Variants in ARMH4 observed in about 807,000 individuals in gnomAD.
ARMH4 encodes the protein armadillo-like helical domain-containing protein 4.
A neutral mutation model predicts 61.9 loss-of-function variants in ARMH4; 49 were observed. The observed-to-expected ratio is 0.79, with a 90% CI of 0.63 to 1.00. ARMH4 has a LOEUF of 1.00. Among genes scored for constraint, ARMH4 ranks in the 50% least tolerant of loss-of-function variants. The pLI is 0.00. For missense variants in ARMH4, 934 were observed against 930.0 expected, an observed-to-expected ratio of 1.00 and a Z score of -0.06; for synonymous variants, 368 against 341.5, an observed-to-expected ratio of 1.08 and a Z score of -0.85.
At chr14:58,101,930 G>T (rs186147384) in intron 4 of ARMH4, among the ~76,000 whole-genome samples, 63 of 152,282 alleles carry the variant, frequency 4.1e-4, no homozygotes, top group African/African-American at 1.4e-3. Context: ...TTGAAGGAGG[G>T]ATGGGTGAAT....
chr14:58,069,282 A>G (rs1040270142), intron 5 of ARMH4, among the ~76,000 whole-genome samples: 11 of 152,218 alleles, frequency 7.2e-5, no homozygotes, highest in African/African-American at 2.7e-4. Context: ...GTAATCAACA[A>G]TCACTTATTG....
At chr14:58,015,069 A>G (rs1440410400) in intron 5 of ARMH4, among the ~76,000 whole-genome samples, 1 of 152,210 alleles carries the variant, frequency 6.6e-6, no homozygotes, top group Non-Finnish European at 1.5e-5. Context: ...TGTGTACTGT[A>G]GGAAGCTCAT....
rs1594729764 is a variant in ARMH4, at chr14:58,059,435, A to T, written c.2089+37289T>A. The stretch of plus-strand genomic sequence containing the variant: ...AAGATTTCAGAAGAGCCCGGCAAGG[A>T]TGCTAAATTTCATCAGAGTGAGCTC... On this transcript the variant is annotated intron_variant, in intron 5 of 7. Transcript: ENST00000267485. 2.0e-5 allele frequency among the ~76,000 whole-genome samples: 3 copies of T among 152,200 alleles called. No homozygotes were observed. The East Asian group carries it at 5.8e-4, about 29-fold the overall frequency.
intron 4 of ARMH4, among the ~76,000 whole-genome samples, chr14:58,110,733 T>A (rs942296191): frequency 1.3e-5 from 2 of 152,096 alleles, no homozygotes; most frequent in South Asian, 2.1e-4. Flanking sequence ...TTTTTTTTTT[T>A]AATTTTTGAG....
chr14:58,006,774 G>C (rs560343553), intron 6 of ARMH4, among the ~76,000 whole-genome samples: 3 of 134,958 alleles, frequency 2.2e-5, no homozygotes, highest in South Asian at 2.8e-4. Flanking sequence ...GTGAGGGGAG[G>C]GGGGAGGGAC....
intron 5 of ARMH4, among the ~76,000 whole-genome samples, chr14:58,063,741 A>G (rs1362672732): frequency 6.6e-6 from 1 of 152,188 alleles, no homozygotes; most frequent in Non-Finnish European, 1.5e-5. Flanking sequence ...TTCCTTGATC[A>G]ATAAGAAAGC....
At chr14:58,062,184 A>C (rs916737634) in intron 5 of ARMH4, among the ~76,000 whole-genome samples, 2 of 152,064 alleles carry the variant, frequency 1.3e-5, no homozygotes, top group African/African-American at 4.8e-5. Flanking sequence ...GAAAGATAAA[A>C]ATAAAAATTA....
chr14:58,030,710 T>G (rs945631016), intron 5 of ARMH4, among the ~76,000 whole-genome samples: 5 of 152,238 alleles, frequency 3.3e-5, no homozygotes, highest in Non-Finnish European at 7.3e-5. Context: ...TGGAATTATA[T>G]AGTATTTGTC....
intron 5 of ARMH4, among the ~76,000 whole-genome samples, chr14:58,021,642 A>G (rs573729012): frequency 6.6e-6 from 1 of 152,310 alleles, no homozygotes; most frequent in Admixed American, 6.5e-5. Context: ...AAAATTATCC[A>G]TCACAGAGTG....
Position 58,029,591 on chromosome 14 carries a change from G to T in ARMH4, c.2090-17441C>A, listed in dbSNP as rs146788035. On this transcript the variant is annotated intron_variant, in intron 5 of 7. Transcript: ENST00000267485. ...AGCATTTATACAAATGGCCAATAAA[G>T]GCATGAAAAAATGCTGAACATCATG... Among the ~76,000 whole-genome samples, 1,363 of 152,070 alleles carry T rather than the reference G, an allele frequency of 9.0e-3. 8 individuals are homozygous for T. Among genetic ancestry groups the T allele is most frequent in the Middle Eastern group, 0.017 (5 of 294 alleles).
At chr14:58,142,230 A>G (rs1887588667) in intron 1 of ARMH4, among the ~76,000 whole-genome samples, 1 of 152,176 alleles carries the variant, frequency 6.6e-6, no homozygotes, top group Non-Finnish European at 1.5e-5. Context: ...ATGTCTAATC[A>G]TTCAATGATC....
intron 5 of ARMH4, 34 bp from the exon 6 acceptor site, chr14:58,012,184 C>A (rs1276330362): frequency 2.4e-6 from 3 of 1,240,876 alleles, no homozygotes; most frequent in Non-Finnish European, 3.4e-6. Context: ...AATGAAATAA[C>A]CATCTTTTAC....
chr14:58,097,437 C>T (rs1594754813), intron 4 of ARMH4, among the ~76,000 whole-genome samples: 1 of 152,148 alleles, frequency 6.6e-6, no homozygotes, highest in African/African-American at 2.4e-5. Flanking sequence ...TTCTATTCAT[C>T]CACATCAGTG....
intron 5 of ARMH4, among the ~76,000 whole-genome samples, chr14:58,065,601 A>G (rs1302117824): frequency 6.6e-6 from 1 of 152,254 alleles, no homozygotes; most frequent in Non-Finnish European, 1.5e-5. Context: ...TGAAGAGATG[A>G]GTGACTGCAT....
At chr14:58,072,072 T>C (rs1158951754) in intron 5 of ARMH4, among the ~76,000 whole-genome samples, 1 of 152,234 alleles carries the variant, frequency 6.6e-6, no homozygotes, top group Non-Finnish European at 1.5e-5. Flanking sequence ...CTTGCTGTAC[T>C]ATAATTTTTT....
chr14:58,018,993 A>C (rs1190932015), intron 5 of ARMH4, among the ~76,000 whole-genome samples: 5 of 152,196 alleles, frequency 3.3e-5, no homozygotes. Context: ...CCTGGAGGAC[A>C]TTATGTTAAG....
intron 3 of ARMH4, among the ~76,000 whole-genome samples, chr14:58,132,066 T>C (rs1456326014): frequency 6.6e-6 from 1 of 152,248 alleles, no homozygotes; most frequent in Non-Finnish European, 1.5e-5. Flanking sequence ...TATATTAAAC[T>C]GTATTTCAAA....
At chr14:58,036,810 A>G (rs1883501529) in intron 5 of ARMH4, among the ~76,000 whole-genome samples, 1 of 125,160 alleles carries the variant, frequency 8.0e-6, no homozygotes, top group Non-Finnish European at 1.8e-5. Context: ...AATTGCTTCA[A>G]AGAGAATAAA....
chr14:58,097,045 T>G (rs1032429301), intron 4 of ARMH4, 64 bp from the exon 5 acceptor site: 1 of 1,505,318 alleles, frequency 6.6e-7, no homozygotes, highest in African/African-American at 1.4e-5. Context: ...AACAAATGAA[T>G]CCTTGGAAAT....
Sources: allele counts gnomAD v4.1 joint callset (sites outside exome capture counted in the v4.1 genomes callset), GRCh38; gene constraint gnomAD v4.1.1; transcripts MANE v1.5; gene names NCBI Gene and HGNC (gene_info 2026-07-23, HGNC 2026-07-21).